Variants in GBA1 observed in about 807,000 individuals in gnomAD.
The protein encoded by GBA1 is lysosomal acid glucosylceramidase.
At chr1:155,239,371 A>G in the GBA1 span, among the ~76,000 whole-genome samples, 1 of 152,130 alleles carries the variant, frequency 6.6e-6, no homozygotes, top group Non-Finnish European at 1.5e-5. Context: ...CTCTACTAAA[A>G]ATACAAAAAT....
chr1:155,237,444 A>G, the GBA1 span: 6 of 1,613,992 alleles, frequency 3.7e-6, no homozygotes, highest in Admixed American at 5.0e-5. Flanking sequence ...GTCACGGGCA[A>G]TGAAGTCTCG....
At chr1:155,239,590 T>C in the GBA1 span, 6 of 1,613,764 alleles carry the variant, frequency 3.7e-6, no homozygotes, top group Admixed American at 8.3e-5. Context: ...AATGGCTCTA[T>C]GTCATCTTGT....
At chr1:155,239,983 A>G in the GBA1 span, 1 of 1,614,120 alleles carries the variant, frequency 6.2e-7, no homozygotes, top group Middle Eastern at 1.6e-4. Flanking sequence ...CAAGGGCAGG[A>G]AAGGTCGGGG....
the GBA1 span, among the ~76,000 whole-genome samples, chr1:155,241,864 G>A: frequency 1.3e-5 from 2 of 152,198 alleles, no homozygotes; most frequent in Admixed American, 6.5e-5. Flanking sequence ...CGGCTCCTCT[G>A]CAGCGTCCCT....
At chr1:155,239,879 T>C in the GBA1 span, 6 of 1,613,862 alleles carry the variant, frequency 3.7e-6, no homozygotes, top group Admixed American at 1.7e-5. Flanking sequence ...AGGGGTGTAA[T>C]GGTTACCTGT....
chr1:155,240,256 G>A, the GBA1 span: 9 of 629,224 alleles, frequency 1.4e-5, no homozygotes, highest in African/African-American at 1.6e-4. Context: ...CTGAGGTGAG[G>A]AGTTTGAGAC....
the GBA1 span, among the ~76,000 whole-genome samples, chr1:155,239,429 G>T: frequency 1.3e-5 from 2 of 152,118 alleles, no homozygotes; most frequent in Non-Finnish European, 1.5e-5. Context: ...TACTCAGGAG[G>T]CTGAGGCAGG....
chr1:155,244,197 A>G, the GBA1 span: 1 of 152,174 alleles, frequency 6.6e-6, no homozygotes, highest in African/African-American at 2.4e-5. Context: ...CAGGAATTGG[A>G]GACCAGCCTG....
At chr1:155,243,211 C>G in the GBA1 span, among the ~76,000 whole-genome samples, 3 of 152,206 alleles carry the variant, frequency 2.0e-5, no homozygotes, top group Admixed American at 2.0e-4. Context: ...TAGAATTGAA[C>G]TAGTTGCTTC....
the GBA1 span, among the ~76,000 whole-genome samples, chr1:155,242,199 C>G: frequency 6.6e-6 from 1 of 152,304 alleles, no homozygotes. Context: ...CACCTGGGAA[C>G]TACTTGTCTC....
At chr1:155,235,917 CAT>C in the GBA1 span, 35 of 1,586,392 alleles carry the variant, frequency 2.2e-5, no homozygotes, top group African/African-American at 6.7e-5. Flanking sequence ...GTAAGGGTCA[CAT>C]GTGGGAGAGG....
At chr1:155,235,973 A>G in the GBA1 span, 1 of 1,049,358 alleles carries the variant, frequency 9.5e-7, no homozygotes, top group African/African-American at 1.6e-5. Context: ...ATTCCTTAGT[A>G]GCTAAGGAGT....
the GBA1 span, chr1:155,240,031 C>T: frequency 1.9e-6 from 3 of 1,613,960 alleles, no homozygotes; most frequent in East Asian, 2.2e-5. Flanking sequence ...TGCAGACACA[C>T]ACCACCGAGC....
the GBA1 span, chr1:155,238,163 G>A: frequency 3.1e-6 from 5 of 1,614,024 alleles, no homozygotes; most frequent in South Asian, 1.1e-5. Context: ...AGGTCTGGTG[G>A]TAGATGTCTC....
chr1:155,241,059 A>G, the GBA1 span: 2 of 1,597,494 alleles, frequency 1.3e-6, no homozygotes, highest in Non-Finnish European at 1.7e-6. Flanking sequence ...CACTGTGACA[A>G]TGCTGATTGG....
chr1:155,244,135 C>G, the GBA1 span: 5 of 152,306 alleles, frequency 3.3e-5, no homozygotes, highest in Admixed American at 6.5e-5. Context: ...CGCGGTGGCT[C>G]ACGCCTATAA....
chr1:155,235,724 T>C, the GBA1 span: 1 of 1,613,586 alleles, frequency 6.2e-7, no homozygotes, highest in East Asian at 2.2e-5. Context: ...TTGTAAAACG[T>C]GTCCTTGGTG....
chr1:155,236,571 A>G, the GBA1 span: 1 of 933,898 alleles, frequency 1.1e-6, no homozygotes, highest in East Asian at 2.6e-5. Flanking sequence ...GAAGAATGCA[A>G]CTAGAGAGGT....
the GBA1 span, chr1:155,235,399 CAT>C: frequency 6.4e-7 from 1 of 1,573,754 alleles, no homozygotes; most frequent in East Asian, 2.4e-5. Context: ...GGACCCACCC[CAT>C]AACTCCTGCA....
Sources: allele counts gnomAD v4.1 joint callset (sites outside exome capture counted in the v4.1 genomes callset), GRCh38; gene constraint gnomAD v4.1.1; transcripts MANE v1.5; gene names NCBI Gene and HGNC (gene_info 2026-07-23, HGNC 2026-07-21).